The following DYNC1I1 variants were observed in gnomAD, a reference collection of about 807,000 sequenced individuals.
The protein encoded by DYNC1I1 is cytoplasmic dynein 1 intermediate chain 1.
Under a neutral mutation model 86.6 loss-of-function variants are expected in DYNC1I1, and 43 were observed. The observed-to-expected ratio is 0.50, with a 90% confidence interval of 0.39 to 0.64. The LOEUF (loss-of-function observed/expected upper bound fraction) is 0.64. DYNC1I1 is among the 30% of genes least tolerant of loss of function. The probability of loss-of-function intolerance (pLI) is 0.00; values close to 1 mark genes in which losing one functional copy is unlikely to be tolerated. For missense variants in DYNC1I1, 604 were observed against 788.8 expected (o/e 0.77, Z 2.81); for synonymous variants, 262 against 283.7 (o/e 0.92, Z 0.77).
intron 16 of DYNC1I1, among the ~76,000 whole-genome samples, chr7:96,105,819 A>C (rs1755470444): frequency 6.6e-6 from 1 of 152,170 alleles, no homozygotes; most frequent in South Asian, 2.1e-4. Flanking sequence ...CATTTATTTA[A>C]TAGAAATAGG....
Position 96,060,076 on chromosome 7 carries a change from C to T in DYNC1I1, c.1510-15981C>T, listed in dbSNP as rs147155287. 1.9e-3 allele frequency among the ~76,000 whole-genome samples: 294 copies of T among 152,232 alleles called. 2 individuals carry two copies. The highest frequency in any genetic ancestry group is 6.8e-3 in the African/African-American group (283 of 41,546). The stretch of plus-strand genomic sequence containing the variant: ...CCAAACAATAACCATTTAAGTGAAT[C>T]ACATTAACTTAATGTGACAAGTGGA... On this transcript the variant is annotated intron_variant, in intron 14 of 16. Coordinates refer to ENST00000447467, the MANE Select transcript of DYNC1I1 (RefSeq NM_001135556.2).
At chr7:95,909,300 A>G (rs1343962608) in intron 6 of DYNC1I1, among the ~76,000 whole-genome samples, 1 of 149,990 alleles carries the variant, frequency 6.7e-6, no homozygotes, top group Non-Finnish European at 1.5e-5. Context: ...TTCGAACTCT[A>G]GCAGCAACAA....
intron 16 of DYNC1I1, among the ~76,000 whole-genome samples, chr7:96,103,577 G>A (rs1470069275): frequency 6.6e-6 from 1 of 151,144 alleles, no homozygotes; most frequent in Non-Finnish European, 1.5e-5. Context: ...TGCAATAAAA[G>A]TCAAAATCCT....
intron 7 of DYNC1I1, among the ~76,000 whole-genome samples, chr7:95,982,572 G>A (rs949117918): frequency 6.6e-6 from 1 of 152,072 alleles, no homozygotes; most frequent in African/African-American, 2.4e-5. Flanking sequence ...AGATACAGGT[G>A]AAATAGAAGT....
At chr7:95,948,969 G>A (rs1016696678) in intron 6 of DYNC1I1, among the ~76,000 whole-genome samples, 1 of 152,162 alleles carries the variant, frequency 6.6e-6, no homozygotes, top group Non-Finnish European at 1.5e-5. Context: ...ACATTTGTCT[G>A]AGGTTTCCTT....
intron 4 of DYNC1I1, among the ~76,000 whole-genome samples, chr7:95,822,898 A>T (rs1211080579): frequency 6.6e-6 from 1 of 152,174 alleles, no homozygotes; most frequent in Admixed American, 6.6e-5. Flanking sequence ...GAAAGGGGAG[A>T]CTTGGGTAGC....
At chr7:95,930,237 T>C (rs1791854266) in intron 6 of DYNC1I1, among the ~76,000 whole-genome samples, 1 of 152,228 alleles carries the variant, frequency 6.6e-6, no homozygotes, top group African/African-American at 2.4e-5. Flanking sequence ...GTTTTGCTAT[T>C]AAATATTGGC....
At chr7:95,870,108 A>G (rs1045965292) in intron 6 of DYNC1I1, 110 bp downstream of exon 6, 8 of 932,952 alleles carry the variant, frequency 8.6e-6, no homozygotes, top group Middle Eastern at 2.8e-4. Flanking sequence ...ATGGGATACA[A>G]ACATAATGAC....
intron 14 of DYNC1I1, among the ~76,000 whole-genome samples, chr7:96,049,449 T>C (rs1789328232): frequency 6.6e-6 from 1 of 152,006 alleles, no homozygotes; most frequent in Admixed American, 6.6e-5. Context: ...GACAAAGATA[T>C]GAGATGGGTA....
intron 10 of DYNC1I1, among the ~76,000 whole-genome samples, chr7:95,998,720 T>G (rs1046331892): frequency 6.6e-6 from 1 of 152,180 alleles, no homozygotes; most frequent in Non-Finnish European, 1.5e-5. Context: ...AATTTTGGAG[T>G]AATTGCGTAG....
At chr7:95,808,378 C>T (rs796236879) in intron 2 of DYNC1I1, among the ~76,000 whole-genome samples, 9 of 152,182 alleles carry the variant, frequency 5.9e-5, no homozygotes, top group African/African-American at 1.9e-4. Context: ...TGATTATCTC[C>T]ACAGAATTCA....
At position 96,038,602 on chromosome 7, in the gene DYNC1I1, C is replaced by T. The variant is rs534129573; in HGVS notation, c.1365-675C>T. ...TATTGAGCACTTACTATATGCCAGA[C>T]ACTTGGCAACAAGAAAGACAAGATA... On this transcript the variant is annotated intron_variant, in intron 13 of 16. Coordinates refer to ENST00000447467, the MANE Select transcript of DYNC1I1 (RefSeq NM_001135556.2). Among the ~76,000 whole-genome samples, 4 of 152,304 alleles carry T rather than the reference C, an allele frequency of 2.6e-5. No individual in the cohort carries two copies. The East Asian group carries it at 7.7e-4, about 29-fold the overall frequency.
At chr7:95,997,692 A>G (rs575035930) in intron 10 of DYNC1I1, among the ~76,000 whole-genome samples, 235 of 151,410 alleles carry the variant, frequency 1.6e-3, no homozygotes, top group Non-Finnish European at 2.7e-3. Context: ...TTAATGATCC[A>G]ATATATGTCA....
intron 6 of DYNC1I1, among the ~76,000 whole-genome samples, chr7:95,959,055 T>C (rs992269291): frequency 1.3e-5 from 2 of 151,988 alleles, no homozygotes; most frequent in Non-Finnish European, 2.9e-5. Flanking sequence ...GAAGGATGAA[T>C]AGGAGTTAAG....
chr7:95,842,892 T>A (rs937559739), intron 5 of DYNC1I1, among the ~76,000 whole-genome samples: 3 of 42,998 alleles, frequency 7.0e-5, no homozygotes, highest in African/African-American at 6.2e-4. Context: ...CATTGTGAAT[T>A]TTTTTTTTTA....
intron 10 of DYNC1I1, among the ~76,000 whole-genome samples, chr7:96,027,136 TC>T (rs1794702167): frequency 6.6e-6 from 1 of 152,206 alleles, no homozygotes; most frequent in Non-Finnish European, 1.5e-5. Flanking sequence ...TTCATCTGCA[TC>T]CATGTTTTTT....
chr7:95,902,072 G>T (rs1791050807), intron 6 of DYNC1I1, among the ~76,000 whole-genome samples: 1 of 152,166 alleles, frequency 6.6e-6, no homozygotes, highest in East Asian at 1.9e-4. Flanking sequence ...TTCTTTAGCT[G>T]CTGTCTGCAA....
chr7:95,887,411 C>A (rs901788025), intron 6 of DYNC1I1, among the ~76,000 whole-genome samples: 1 of 152,262 alleles, frequency 6.6e-6, no homozygotes, highest in East Asian at 1.9e-4. Context: ...CCTTCTCTGG[C>A]CAACTATACC....
chr7:95,953,235 G>C (rs531852108), intron 6 of DYNC1I1, among the ~76,000 whole-genome samples: 1 of 151,232 alleles, frequency 6.6e-6, no homozygotes, highest in Non-Finnish European at 1.5e-5. Flanking sequence ...AGCAACTGTA[G>C]CATCTTTTGG....
Sources: allele counts gnomAD v4.1 joint callset (sites outside exome capture counted in the v4.1 genomes callset), GRCh38; gene constraint gnomAD v4.1.1; transcripts MANE v1.5; gene names NCBI Gene and HGNC (gene_info 2026-07-23, HGNC 2026-07-21).